Variants in PCDH9 observed in about 807,000 individuals in gnomAD.
The protein encoded by PCDH9 is protocadherin 9, also known as protocadherin-9.
Under a neutral mutation model 70.6 loss-of-function variants are expected in PCDH9, and 24 were observed. The observed-to-expected ratio is 0.34, with a 90% confidence interval of 0.25 to 0.48. The LOEUF is 0.48. Among genes scored for constraint, PCDH9 ranks in the 20% least tolerant of loss-of-function variants. PCDH9 has a pLI of 0.99. For synonymous variants in PCDH9, 562 were observed against 558.5 expected, an observed-to-expected ratio of 1.01 and a Z score of -0.09; for missense variants, 1,281 against 1,503.6, an observed-to-expected ratio of 0.85 and a Z score of 2.45.
chr13:66,955,062 C>T (rs2083246573), intron 2 of PCDH9, among the ~76,000 whole-genome samples: 1 of 152,178 alleles, frequency 6.6e-6, no homozygotes, highest in Non-Finnish European at 1.5e-5. Context: ...TGAGATAGAA[C>T]ATTTTAAATC....
intron 2 of PCDH9, among the ~76,000 whole-genome samples, chr13:67,038,198 G>T (rs1265555195): frequency 6.6e-6 from 1 of 152,092 alleles, no homozygotes; most frequent in African/African-American, 2.4e-5. Flanking sequence ...AATCACAAAT[G>T]CTTTAAAACA....
intron 4 of PCDH9, among the ~76,000 whole-genome samples, chr13:66,471,525 ATATTTT>A (rs1958619433): frequency 1.3e-5 from 2 of 152,216 alleles, no homozygotes; most frequent in South Asian, 4.1e-4. Flanking sequence ...AAACACTGAC[ATATTTT>A]TATTTTAACA....
chr13:66,439,050 A>C lies in PCDH9; in HGVS notation c.3341-134022T>G, dbSNP rs1197353127. Among the ~76,000 whole-genome samples the C allele has an allele frequency of 2.0e-5, 3 of 152,194 alleles. No homozygotes were observed. In the East Asian group the frequency reaches 5.8e-4, roughly 29 times the overall value. The stretch of plus-strand genomic sequence containing the variant: ...TCCAAGATAATGAAAAAACATATTT[A>C]TACAGAAAATTCTGTACAAAAATTG... On this transcript the variant is annotated intron_variant, in intron 4 of 4. Transcript: ENST00000377865.
intron 3 of PCDH9, among the ~76,000 whole-genome samples, chr13:66,639,543 T>A (rs1419169964): frequency 6.6e-6 from 1 of 152,204 alleles, no homozygotes; most frequent in Non-Finnish European, 1.5e-5. Flanking sequence ...ACAATTGGTA[T>A]CTTTAAGAAA....
intron 2 of PCDH9, among the ~76,000 whole-genome samples, chr13:66,921,448 C>G (rs1486497659): frequency 6.6e-6 from 1 of 151,106 alleles, no homozygotes; most frequent in South Asian, 2.1e-4. Flanking sequence ...ATCCAGTTGA[C>G]AAAACTAGAG....
At chr13:66,722,690 G>A (rs983492800) in intron 3 of PCDH9, among the ~76,000 whole-genome samples, 8 of 152,022 alleles carry the variant, frequency 5.3e-5, no homozygotes, top group Non-Finnish European at 8.8e-5. Flanking sequence ...CCTATGTGCC[G>A]GGCGCGGTGG....
At chr13:67,206,725 G>A (rs1298151762) in intron 2 of PCDH9, 2 of 152,220 alleles carry the variant, frequency 1.3e-5, no homozygotes, top group African/African-American at 4.8e-5. Context: ...TTTGTGCAGA[G>A]ATGCCTGGTG....
intron 3 of PCDH9, among the ~76,000 whole-genome samples, chr13:66,692,318 T>G (rs1001940795): frequency 6.6e-6 from 1 of 152,058 alleles, no homozygotes; most frequent in African/African-American, 2.4e-5. Flanking sequence ...AAAGCATTCC[T>G]TTACCCTGTT....
chr13:66,327,558 G>A (rs959111033), intron 4 of PCDH9, among the ~76,000 whole-genome samples: 3 of 152,138 alleles, frequency 2.0e-5, no homozygotes, highest in Non-Finnish European at 4.4e-5. Flanking sequence ...TAAGCACTAT[G>A]TAAGTATGTA....
At chr13:66,825,914 GT>G (rs1316914133) in intron 3 of PCDH9, among the ~76,000 whole-genome samples, 2 of 151,560 alleles carry the variant, frequency 1.3e-5, no homozygotes, top group Non-Finnish European at 2.9e-5. Flanking sequence ...AAGAATGATA[GT>G]TTTTTTTGCA....
In PCDH9 at chr13:66,893,643, C is replaced by T. The variant is rs537672902; in HGVS notation, c.3138+9861G>A. Among the ~76,000 whole-genome samples, 5 of 152,204 alleles carry T rather than the reference C, an allele frequency of 3.3e-5. No individual in the cohort carries two copies. The South Asian group carries it at 8.3e-4, about 25-fold the overall frequency. On this transcript the variant is annotated intron_variant, in intron 3 of 4. Coordinates refer to ENST00000377865, the MANE Select transcript of PCDH9 (RefSeq NM_203487.3). ...ACTTTGGACCTTGACTTACAATAAT[C>T]AACCTACACTGAGATGCAATAAAAA... is the stretch of plus-strand genomic sequence containing the variant.
intron 3 of PCDH9, among the ~76,000 whole-genome samples, chr13:66,777,435 A>G (rs2079915407): frequency 6.6e-6 from 1 of 152,062 alleles, no homozygotes; most frequent in African/African-American, 2.4e-5. Flanking sequence ...AATTTACAAG[A>G]AAAAAACAAA....
intron 3 of PCDH9, among the ~76,000 whole-genome samples, chr13:66,694,085 C>T (rs1593905869): frequency 1.3e-5 from 2 of 152,166 alleles, no homozygotes; most frequent in Admixed American, 6.5e-5. Context: ...TTTCAAAATG[C>T]TTTCATACCA....
intron 2 of PCDH9, among the ~76,000 whole-genome samples, chr13:66,994,041 G>C (rs1480646552): frequency 1.3e-5 from 2 of 152,094 alleles, no homozygotes; most frequent in Non-Finnish European, 2.9e-5. Flanking sequence ...CACTGATGTA[G>C]CCTAGTAATG....
intron 2 of PCDH9, among the ~76,000 whole-genome samples, chr13:67,163,120 A>G (rs1360036480): frequency 2.0e-5 from 3 of 152,194 alleles, no homozygotes; most frequent in Non-Finnish European, 4.4e-5. Context: ...TGGTTACTGT[A>G]GAAACTCCGT....
At chr13:66,764,509 G>A (rs996051917) in intron 3 of PCDH9, among the ~76,000 whole-genome samples, 1 of 151,944 alleles carries the variant, frequency 6.6e-6, no homozygotes, top group Non-Finnish European at 1.5e-5. Flanking sequence ...CTCTATCAAG[G>A]TAAAGGTTAA....
At chr13:67,151,137 T>A (rs2087648945) in intron 2 of PCDH9, among the ~76,000 whole-genome samples, 1 of 152,176 alleles carries the variant, frequency 6.6e-6, no homozygotes, top group South Asian at 2.1e-4. Flanking sequence ...CTTGAGGGTC[T>A]CTTTGGCCAT....
chr13:66,750,879 G>T (rs987845960), intron 3 of PCDH9, among the ~76,000 whole-genome samples: 1 of 152,056 alleles, frequency 6.6e-6, no homozygotes, highest in African/African-American at 2.4e-5. Context: ...AAACCTTTGA[G>T]GCTAGATGGC....
chr13:66,367,337 ACT>A (rs1047087415), intron 4 of PCDH9, among the ~76,000 whole-genome samples: 1 of 152,148 alleles, frequency 6.6e-6, no homozygotes, highest in African/African-American at 2.4e-5. Flanking sequence ...CGTAACAGAC[ACT>A]CTGTTTGCAT....
Sources: gnomAD v4.1 joint callset for allele counts (sites outside exome capture counted in the v4.1 genomes callset) on GRCh38, gnomAD v4.1.1 for gene constraint, MANE v1.5 for transcripts, NCBI Gene and HGNC (gene_info 2026-07-23, HGNC 2026-07-21) for gene names.